CSMD3: variants seen among roughly 807,000 people sequenced by gnomAD.
CSMD3 encodes the protein CUB and Sushi multiple domains 3.
Under a neutral mutation model 435.2 loss-of-function variants are expected in CSMD3, and 177 were observed. That is an observed-to-expected ratio of 0.41 (90% CI 0.36 to 0.46). The LOEUF (loss-of-function observed/expected upper bound fraction) is 0.46. CSMD3 is among the 20% of genes least tolerant of loss of function. CSMD3 has a pLI of 0.34. For missense variants in CSMD3, 4,265 were observed against 4,504.6 expected, an observed-to-expected ratio of 0.95 and a Z score of 1.52; for synonymous variants, 1,656 against 1,520.5, an observed-to-expected ratio of 1.09 and a Z score of -2.07.
At chr8:113,212,473 T>A (rs2092847999) in intron 3 of CSMD3, among the ~76,000 whole-genome samples, 1 of 152,190 alleles carries the variant, frequency 6.6e-6, no homozygotes, top group Non-Finnish European at 1.5e-5. Flanking sequence ...GGCTACAGAC[T>A]GGATACATAC....
chr8:113,007,837 C>T (rs1319655436), intron 6 of CSMD3, among the ~76,000 whole-genome samples: 1 of 151,820 alleles, frequency 6.6e-6, no homozygotes, highest in Non-Finnish European at 1.5e-5. Flanking sequence ...ACAGTTGCTG[C>T]ATTTTCTAAC....
chr8:112,904,984 A>G (rs1446445730), intron 10 of CSMD3, among the ~76,000 whole-genome samples: 1 of 151,290 alleles, frequency 6.6e-6, no homozygotes. Context: ...TAATGATCTT[A>G]ATTAAATGTT....
At chr8:112,330,184 T>C (rs1823898885) in intron 45 of CSMD3, among the ~76,000 whole-genome samples, 1 of 152,152 alleles carries the variant, frequency 6.6e-6, no homozygotes, top group Non-Finnish European at 1.5e-5. Flanking sequence ...AAGTTAAATA[T>C]ACTTGTTTCC....
chr8:112,427,670 C>A (rs118165748), intron 32 of CSMD3, among the ~76,000 whole-genome samples: 275 of 152,276 alleles, frequency 1.8e-3, no homozygotes, highest in Non-Finnish European at 3.0e-3. Flanking sequence ...TGATGACCTA[C>A]TGTGTTTCTA....
At chr8:112,691,965 A>T (rs1268793939) in intron 13 of CSMD3, among the ~76,000 whole-genome samples, 1 of 151,444 alleles carries the variant, frequency 6.6e-6, no homozygotes, top group Non-Finnish European at 1.5e-5. Flanking sequence ...ACCATGCCCA[A>T]GTAGTTTTTG....
chr8:113,352,148 C>A (rs2094194200), intron 1 of CSMD3, among the ~76,000 whole-genome samples: 1 of 152,112 alleles, frequency 6.6e-6, no homozygotes, highest in Admixed American at 6.6e-5. Flanking sequence ...ACTTAGAACC[C>A]CAAAAGGTAA....
intron 39 of CSMD3, among the ~76,000 whole-genome samples, chr8:112,351,466 T>A (rs1287358762): frequency 6.6e-6 from 1 of 151,914 alleles, no homozygotes; most frequent in African/African-American, 2.4e-5. Context: ...GTAGAAAAAA[T>A]AATACTTCAT....
At chr8:112,328,725 AGAGT>A (rs1036252207) in intron 45 of CSMD3, among the ~76,000 whole-genome samples, 4 of 152,078 alleles carry the variant, frequency 2.6e-5, no homozygotes, top group Non-Finnish European at 5.9e-5. Flanking sequence ...TGTTCTCATG[AGAGT>A]GAGTGAGTGC....
At chr8:113,127,991 G>T (rs2091183238) in intron 4 of CSMD3, among the ~76,000 whole-genome samples, 1 of 151,928 alleles carries the variant, frequency 6.6e-6, no homozygotes, top group African/African-American at 2.4e-5. Flanking sequence ...CTCTTCATTG[G>T]GAAAGTTCTC....
intron 13 of CSMD3, among the ~76,000 whole-genome samples, chr8:112,746,638 T>C (rs1587156186): frequency 6.6e-6 from 1 of 151,656 alleles, no homozygotes; most frequent in Non-Finnish European, 1.5e-5. Flanking sequence ...AGAATAGTTA[T>C]ATATATTATT....
Position 113,123,561 on chromosome 8 carries a change from A to G in CSMD3, c.710-24598T>C, listed in dbSNP as rs11994389. On this transcript the variant is annotated intron_variant, in intron 4 of 70. Transcript: ENST00000297405. ...ACTAAGTTGGTCACTAAAATTGTTA[A>G]TAAATTTCCTCAGTTTTAGGCATAG... Among the ~76,000 whole-genome samples, 1,194 of 152,162 alleles carry G rather than the reference A, an allele frequency of 7.8e-3. 19 individuals carry two copies. Among genetic ancestry groups the G allele is most frequent in the African/African-American group, 0.027 (1,132 of 41,554 alleles).
In CSMD3 at chr8:112,410,620, A is replaced by G. The variant is rs1563913011; in HGVS notation, c.5396-1588T>C. On this transcript the variant is annotated intron_variant, in intron 32 of 70. Coordinates refer to ENST00000297405, the MANE Select transcript of CSMD3 (RefSeq NM_198123.2). Reference sequence around the variant, plus strand: ...TATATATGTGTATATATATATGTATATATATGTGTATATATATGTATATAT... The same window carrying G: ...TATATATGTGTATATATATATGTATGTATATGTGTATATATATGTATATAT... Among the ~76,000 whole-genome samples the G allele has an allele frequency of 9.1e-4, 58 of 63,582 alleles. 1 individual carries two copies. The highest frequency in any genetic ancestry group is 2.2e-3 in the East Asian group (4 of 1,860). The allele number at this position is 63,582 out of a possible 152,430, so 41.7% of individuals were successfully genotyped here.
At chr8:113,126,310 G>T (rs1468236480) in intron 4 of CSMD3, among the ~76,000 whole-genome samples, 3 of 151,840 alleles carry the variant, frequency 2.0e-5, no homozygotes, top group Non-Finnish European at 4.4e-5. Context: ...AAAAACTACA[G>T]ACTTTTTCCT....
chr8:113,401,093 A>G (rs547634056), intron 1 of CSMD3, among the ~76,000 whole-genome samples: 1 of 151,968 alleles, frequency 6.6e-6, no homozygotes, highest in South Asian at 2.1e-4. Context: ...AAGAAAAAAT[A>G]CATACAAACA....
chr8:112,624,866 A>G (rs11990898), intron 22 of CSMD3, among the ~76,000 whole-genome samples: 83,836 of 151,666 alleles, frequency 0.55, 23,453 homozygotes, highest in African/African-American at 0.61. Flanking sequence ...CTCACAAATG[A>G]GATGCCCATT....
intron 63 of CSMD3, among the ~76,000 whole-genome samples, chr8:112,247,960 TTAGA>T (rs1453852939): frequency 3.9e-5 from 6 of 152,094 alleles, no homozygotes; most frequent in African/African-American, 1.2e-4. Flanking sequence ...AAACAGTATA[TTAGA>T]TTGATTGGCA....
intron 22 of CSMD3, among the ~76,000 whole-genome samples, chr8:112,618,085 G>T (rs1429326031): frequency 1.3e-5 from 2 of 151,910 alleles, no homozygotes; most frequent in Non-Finnish European, 2.9e-5. Flanking sequence ...AAATTCTCTG[G>T]ATTAAGATGA....
chr8:112,760,891 G>C (rs918227147), intron 13 of CSMD3, among the ~76,000 whole-genome samples: 2 of 152,070 alleles, frequency 1.3e-5, no homozygotes, highest in African/African-American at 4.8e-5. Context: ...ATTGTTTCTG[G>C]ATGAAACTCT....
intron 1 of CSMD3, among the ~76,000 whole-genome samples, chr8:113,324,823 G>A (rs113825848): frequency 0.1 from 15,909 of 152,234 alleles, 965 homozygotes; most frequent in Middle Eastern, 0.17. Context: ...CCAGGAGGTA[G>A]GTTGTACCCT....
Sources: gnomAD v4.1 joint callset for allele counts (sites outside exome capture counted in the v4.1 genomes callset) on GRCh38, gnomAD v4.1.1 for gene constraint, MANE v1.5 for transcripts, NCBI Gene and HGNC (gene_info 2026-07-23, HGNC 2026-07-21) for gene names.